NDUFAF7: variants seen among roughly 807,000 people sequenced by gnomAD.
NDUFAF7 encodes NADH:ubiquinone oxidoreductase complex assembly factor 7, also known as protein arginine methyltransferase NDUFAF7, mitochondrial.
Under a neutral mutation model 47.2 loss-of-function variants are expected in NDUFAF7, and 48 were observed. The ratio of observed to expected loss-of-function variants is 1.02; its 90% CI spans 0.81 to 1.29. NDUFAF7 has a LOEUF of 1.29. Ranked by LOEUF, NDUFAF7 falls within the 50% of genes most tolerant of loss-of-function variation. The pLI is 0.00. For synonymous variants in NDUFAF7, 217 were observed against 190.0 expected (o/e 1.14, Z -1.17); for missense variants, 635 against 537.6 (o/e 1.18, Z -1.79).
rs769628267 is a variant in NDUFAF7, at chr2:37,247,411, TTAA to T, written c.937-41_937-39del. 21 of 1,603,686 alleles carry T rather than the reference TTAA, an allele frequency of 1.3e-5. No homozygotes were observed. In the East Asian group the frequency reaches 3.1e-4, roughly 24 times the overall value. On this transcript the variant is annotated intron_variant, in intron 8 of 9. Coordinates refer to ENST00000002125, the MANE Select transcript of NDUFAF7 (RefSeq NM_144736.5). ...TTAATATGATAGCATTTCTTTAATCTTAATAACCATAAAAGGGCAAAAATCTGA... is the reference window on the plus strand; with the variant it reads ...TTAATATGATAGCATTTCTTTAATCTTAACCATAAAAGGGCAAAAATCTGA...
At chr2:37,233,767 A>G (rs1459965427) in intron 2 of NDUFAF7, among the ~76,000 whole-genome samples, 1 of 152,196 alleles carries the variant, frequency 6.6e-6, no homozygotes, top group Non-Finnish European at 1.5e-5. Context: ...GTTTCCCAGC[A>G]TTGAGAGTAG....
At chr2:37,252,823 A>AAACG, downstream of NDUFAF7, 1 of 120,850 alleles carries the variant, frequency 8.3e-6, no homozygotes, top group African/African-American at 3.3e-5. Flanking sequence ...TTCATTAAAA[A>AAACG]AACAAACAAA....
At chr2:37,250,285 TAAACGTCCATA>T (rs1667378912), downstream of NDUFAF7, among the ~76,000 whole-genome samples, 1 of 152,182 alleles carries the variant, frequency 6.6e-6, no homozygotes, top group Non-Finnish European at 1.5e-5. Flanking sequence ...AAAGATGAGT[TAAACGTCCATA>T]GTTGGCTCCT....
the NDUFAF7 span, chr2:37,269,398 A>T: frequency 5.5e-6 from 3 of 548,972 alleles, no homozygotes; most frequent in Non-Finnish European, 9.8e-6. Context: ...ACACACTGTA[A>T]AATTTTCTGA....
the NDUFAF7 span, among the ~76,000 whole-genome samples, chr2:37,265,536 T>C: frequency 6.6e-6 from 1 of 151,904 alleles, no homozygotes. Context: ...GTCAGTCCAA[T>C]GATGTAAAGT....
chr2:37,253,175 G>A (rs771919649), downstream of NDUFAF7: 18 of 1,590,816 alleles, frequency 1.1e-5, no homozygotes, highest in African/African-American at 2.3e-4. Flanking sequence ...TTAGCTCAGT[G>A]ATTAAGGATC....
chr2:37,261,564 T>G, the NDUFAF7 span, among the ~76,000 whole-genome samples: 4 of 152,020 alleles, frequency 2.6e-5, no homozygotes, highest in African/African-American at 9.7e-5. Flanking sequence ...GCGGATCACC[T>G]GAGATCGGGA....
chr2:37,260,775 T>C, the NDUFAF7 span, among the ~76,000 whole-genome samples: 2 of 152,236 alleles, frequency 1.3e-5, no homozygotes, highest in Non-Finnish European at 2.9e-5. Context: ...GTATTTGTGA[T>C]GGTATTTGCT....
intron 1 of NDUFAF7, 145 bp from the exon 2 acceptor site, chr2:37,231,961 C>A: frequency 6.3e-7 from 1 of 1,595,322 alleles, no homozygotes; most frequent in African/African-American, 1.3e-5. Flanking sequence ...CTCTGCGCCC[C>A]GTGGGCGTGC....
chr2:37,246,520 C>A lies in NDUFAF7; in HGVS notation c.936+325C>A, dbSNP rs116432767. On this transcript the variant is annotated intron_variant, in intron 8 of 9. Transcript: ENST00000002125. ...TCTTAAACCTATCTGTAACCCCCTT[C>A]ATTCAAGAAAAATTTTGGTACTTCT... Among the ~76,000 whole-genome samples the A allele has an allele frequency of 6.1e-3, 925 of 152,262 alleles. 11 individuals carry two copies. Among genetic ancestry groups the A allele is most frequent in the African/African-American group, 0.021 (881 of 41,558 alleles).
downstream of NDUFAF7, chr2:37,252,932 A>G (rs1667628466): frequency 3.4e-6 from 1 of 290,896 alleles, no homozygotes; most frequent in Non-Finnish European, 6.3e-6. Context: ...AAAATACAAA[A>G]CCAGTTATTG....
chr2:37,249,643 GAC>G (rs56208997), downstream of NDUFAF7, among the ~76,000 whole-genome samples: 199 of 132,500 alleles, frequency 1.5e-3, 4 homozygotes, highest in Admixed American at 2.3e-3. Context: ...CTGTGATAGA[GAC>G]ACACACACAC....
the NDUFAF7 span, chr2:37,267,710 T>G: frequency 1.8e-6 from 1 of 558,606 alleles, no homozygotes; most frequent in Non-Finnish European, 3.1e-6. Flanking sequence ...TGTTTTCCCC[T>G]CCATACATAA....
At chr2:37,263,911 G>A in the NDUFAF7 span, among the ~76,000 whole-genome samples, 11 of 152,136 alleles carry the variant, frequency 7.2e-5, no homozygotes, top group East Asian at 5.8e-4. Flanking sequence ...AGATGAGAAC[G>A]GGAAAATGCT....
At chr2:37,268,193 A>G in the NDUFAF7 span, 1 of 404,742 alleles carries the variant, frequency 2.5e-6, no homozygotes, top group Non-Finnish European at 5.0e-6. Context: ...GCTCTTCTCT[A>G]CATAGCTATT....
downstream of NDUFAF7, chr2:37,256,627 AATTTTTTTTT>A: frequency 8.0e-7 from 1 of 1,247,324 alleles, no homozygotes; most frequent in Non-Finnish European, 1.0e-6. Flanking sequence ...ACATAGCCAA[AATTTTTTTTT>A]TTTTTTTTTT....
rs778200532 is a variant in NDUFAF7, at chr2:37,248,322, C to T, written c.1298C>T (p.Ala433Val). Reference sequence around the variant, plus strand: ...TCAAAACCCTTTGCATCCGTTGTAGCTGGGTTTAGTGAACTTGCTTGGCAG... The same window carrying T: ...TCAAAACCCTTTGCATCCGTTGTAGTTGGGTTTAGTGAACTTGCTTGGCAG... ...RQSKPFASVV[A>V]GFSELAWQ Residue 433 changes from alanine to valine, a missense_variant, in exon 10 of 10, where the codon GCT (alanine) becomes GTT (valine). Ala to Val is a moderately conservative substitution (Grantham distance 64, BLOSUM62 0). Transcript: ENST00000002125. 1 of 1,614,068 alleles carries T rather than the reference C, an allele frequency of 6.2e-7. No homozygotes were observed. Among genetic ancestry groups the T allele is most frequent in the South Asian group, 1.1e-5 (1 of 91,086 alleles).
chr2:37,246,010 T>C, intron 7 of NDUFAF7, 42 bp from the exon 8 acceptor site: 1 of 1,605,836 alleles, frequency 6.2e-7, no homozygotes, highest in Non-Finnish European at 8.5e-7. Context: ...AGTCATTCTT[T>C]TGAATGATGC....
At chr2:37,253,193 A>G (rs575223074), downstream of NDUFAF7, 25 of 1,603,176 alleles carry the variant, frequency 1.6e-5, 1 homozygote, top group Non-Finnish European at 2.0e-5. Flanking sequence ...ATCTTCTTCC[A>G]TATCATCTGG....
Sources: gnomAD v4.1 joint callset for allele counts (sites outside exome capture counted in the v4.1 genomes callset) on GRCh38, gnomAD v4.1.1 for gene constraint, MANE v1.5 for transcripts, NCBI Gene and HGNC (gene_info 2026-07-23, HGNC 2026-07-21) for gene names.